Variants in TMEFF2 observed in about 807,000 individuals in gnomAD.
The protein encoded by TMEFF2 is transmembrane protein with EGF like and two follistatin like domains 2.
Under a neutral mutation model 53.8 loss-of-function variants are expected in TMEFF2, and 28 were observed. The ratio of observed to expected loss-of-function variants is 0.52; its 90% CI spans 0.39 to 0.71. The LOEUF is 0.71. TMEFF2 is among the 30% of genes least tolerant of loss of function. The pLI, the probability that TMEFF2 is intolerant of heterozygous loss-of-function variation, is 0.00. For synonymous variants in TMEFF2, 162 were observed against 166.3 expected, an observed-to-expected ratio of 0.97 and a Z score of 0.20; for missense variants, 353 against 455.2, an observed-to-expected ratio of 0.78 and a Z score of 2.04.
chr2:191,971,802 G>A (rs10182312), intron 7 of TMEFF2, among the ~76,000 whole-genome samples: 2,712 of 152,148 alleles, frequency 0.018, 77 homozygotes, highest in African/African-American at 0.062. Context: ...AGTGAGATAG[G>A]CAATAGATAA....
At chr2:192,000,793 C>T (rs1423010913) in intron 5 of TMEFF2, among the ~76,000 whole-genome samples, 1 of 152,124 alleles carries the variant, frequency 6.6e-6, no homozygotes, top group Non-Finnish European at 1.5e-5. Context: ...AAGAGAATTG[C>T]TGTAGGAATG....
rs183571997 is a variant in TMEFF2 at position 192,157,131 on chromosome 2, C to T, written c.439+22537G>A. 2.5e-3 allele frequency among the ~76,000 whole-genome samples: 387 copies of T among 152,152 alleles called. 2 individuals carry two copies. Among genetic ancestry groups the T allele is most frequent in the Non-Finnish European group, 4.2e-3 (284 of 67,954 alleles). ...ATCAGTGTCAACTTTTCCTACCTGA[C>T]ATTTGGGACAGTTTAACGAAAACTT... On this transcript the variant is annotated intron_variant, in intron 4 of 9. Transcript: ENST00000272771.
At chr2:192,188,753 A>C (rs1691379053) in intron 2 of TMEFF2, among the ~76,000 whole-genome samples, 1 of 152,138 alleles carries the variant, frequency 6.6e-6, no homozygotes, top group Non-Finnish European at 1.5e-5. Context: ...AGGGTTATCT[A>C]TAAATATCTG....
At chr2:192,159,550 T>C (rs1268796509) in intron 4 of TMEFF2, among the ~76,000 whole-genome samples, 2 of 152,156 alleles carry the variant, frequency 1.3e-5, no homozygotes, top group Non-Finnish European at 2.9e-5. Context: ...TTACTGCCAT[T>C]GTATATAGTT....
intron 7 of TMEFF2, among the ~76,000 whole-genome samples, chr2:191,968,917 G>A (rs1345089628): frequency 6.6e-6 from 1 of 152,060 alleles, no homozygotes; most frequent in Non-Finnish European, 1.5e-5. Context: ...TTGGTAAAAA[G>A]AGGACATTAT....
At chr2:192,131,683 C>T (rs1392174246) in intron 4 of TMEFF2, among the ~76,000 whole-genome samples, 1 of 152,096 alleles carries the variant, frequency 6.6e-6, no homozygotes, top group Non-Finnish European at 1.5e-5. Flanking sequence ...GGCTTGCCTC[C>T]TTCACTATGG....
At chr2:192,110,773 C>T (rs1411036542) in intron 4 of TMEFF2, among the ~76,000 whole-genome samples, 1 of 152,126 alleles carries the variant, frequency 6.6e-6, no homozygotes, top group Non-Finnish European at 1.5e-5. Flanking sequence ...GCTGTGTCCC[C>T]ACCCAAATCT....
rs1491241434 is a variant in TMEFF2 at position 192,037,288 on chromosome 2, A to AGAAAG, written c.536+20386_536+20390dup. Among the ~76,000 whole-genome samples, 870 of 136,738 alleles carry AGAAAG rather than the reference A, an allele frequency of 6.4e-3. 22 individuals are homozygous for AGAAAG. Among genetic ancestry groups the AGAAAG allele is most frequent in the African/African-American group, 0.028 (828 of 29,820 alleles). The allele number at this position is 136,738 out of a possible 152,430, so 89.7% of individuals were successfully genotyped here. A position where few individuals can be genotyped will look rare whatever the true frequency, so the allele number is the denominator to read the frequency against. ...CTAGCCAAAATAAAGAAAGAAAGAA[A>AGAAAG]GAAAGAAAGAAAGAAAGAAAGAAAG... On this transcript the variant is annotated intron_variant, in intron 5 of 9. Coordinates refer to ENST00000272771, the MANE Select transcript of TMEFF2 (RefSeq NM_016192.4).
chr2:192,161,585 A>T (rs990612475), intron 4 of TMEFF2, among the ~76,000 whole-genome samples: 1 of 152,226 alleles, frequency 6.6e-6, no homozygotes, highest in Non-Finnish European at 1.5e-5. Context: ...GTAAGCAATT[A>T]GTCAACTTGC....
In TMEFF2 at chr2:192,194,440, G is replaced by C; in HGVS notation, c.85C>G (p.Leu29Val). ...TTCACCGGGCGGGCTACGATGAGTA[G>C]CATGACGGGCAGCAGCAGCAGCCAG... is the stretch of plus-strand genomic sequence containing the variant. ...FCWLLLLPVM[L>V]LIVARPVKLA... The change falls in exon 1 of 10, where the codon CTA becomes GTA. Residue 29 changes from leucine (L) to valine (V), a missense_variant. By Grantham distance (32) the Leu-to-Val change is conservative. This residue lies in a region of TMEFF2 where 54 missense variants were observed against 41.8 expected (regional missense o/e 1.29). Coordinates refer to ENST00000272771, the MANE Select transcript of TMEFF2 (RefSeq NM_016192.4). This position sits in a 1 kb window ranked among gnomAD's most constrained non-coding sequence, Gnocchi z 4.2. The C allele has an allele frequency of 6.2e-7, 1 of 1,614,168 alleles. No homozygotes were observed. Among genetic ancestry groups the C allele is most frequent in the Non-Finnish European group, 8.5e-7 (1 of 1,180,030 alleles).
chr2:192,100,427 T>C lies in TMEFF2; in HGVS notation c.440-42652A>G, dbSNP rs139532383. On this transcript the variant is annotated intron_variant, in intron 4 of 9. Coordinates refer to ENST00000272771, the MANE Select transcript of TMEFF2 (RefSeq NM_016192.4). ...GCATGCATTTTCAAAGCACATCTTC[T>C]ATACTTCCAACTTCTGGTTACTGCA... Among the ~76,000 whole-genome samples the C allele has an allele frequency of 1.5e-4, 23 of 152,324 alleles. 1 individual carries two copies. In the East Asian group the frequency reaches 3.9e-3, roughly 26 times the overall value.
intron 5 of TMEFF2, among the ~76,000 whole-genome samples, chr2:192,039,932 A>G (rs910234506): frequency 6.6e-6 from 1 of 152,118 alleles, no homozygotes; most frequent in Non-Finnish European, 1.5e-5. Context: ...AACTATAACA[A>G]TGATATGCCT....
At chr2:192,062,437 A>T (rs892339090) in intron 4 of TMEFF2, among the ~76,000 whole-genome samples, 18 of 152,124 alleles carry the variant, frequency 1.2e-4, no homozygotes, top group African/African-American at 4.3e-4. Context: ...CTGACTGGAA[A>T]TTATAATTGG....
intron 4 of TMEFF2, among the ~76,000 whole-genome samples, chr2:192,092,181 T>C (rs982724404): frequency 2.0e-5 from 3 of 152,096 alleles, no homozygotes; most frequent in Admixed American, 6.6e-5. Flanking sequence ...CTATTTCTGA[T>C]TGAATGAGTG....
chr2:191,959,100 AT>A (rs766045887), intron 7 of TMEFF2, among the ~76,000 whole-genome samples: 8 of 152,300 alleles, frequency 5.3e-5, no homozygotes, highest in Non-Finnish European at 8.8e-5. Context: ...TTATATAAAA[AT>A]TATATATTTC....
At chr2:192,123,187 G>A (rs1689598729) in intron 4 of TMEFF2, among the ~76,000 whole-genome samples, 1 of 152,122 alleles carries the variant, frequency 6.6e-6, no homozygotes, top group East Asian at 1.9e-4. Context: ...TTCAGCTGAA[G>A]TAAAAGGATC....
intron 5 of TMEFF2, among the ~76,000 whole-genome samples, chr2:192,004,187 C>T (rs1029841531): frequency 6.6e-6 from 1 of 152,048 alleles, no homozygotes; most frequent in African/African-American, 2.4e-5. Flanking sequence ...GGAGAGATAA[C>T]TTTGTGCTAC....
intron 4 of TMEFF2, among the ~76,000 whole-genome samples, chr2:192,149,616 C>T (rs1012498856): frequency 2.6e-5 from 4 of 151,846 alleles, no homozygotes; most frequent in African/African-American, 9.7e-5. Flanking sequence ...AGAGTATAAA[C>T]TTAGTTTGTG....
chr2:192,081,571 A>T (rs1039614779), intron 4 of TMEFF2, among the ~76,000 whole-genome samples: 10 of 152,192 alleles, frequency 6.6e-5, no homozygotes, highest in Admixed American at 1.3e-4. Flanking sequence ...ATTATTTTTT[A>T]AAATGCCAGA....
Sources: gnomAD v4.1 joint callset for allele counts (sites outside exome capture counted in the v4.1 genomes callset) on GRCh38, gnomAD v4.1.1 for gene constraint, gnomAD v4.1.1 regional missense constraint, Gnocchi (gnomAD v3.1) non-coding constraint, MANE v1.5 for transcripts, NCBI Gene and HGNC (gene_info 2026-07-23, HGNC 2026-07-21) for gene names.